SDK1: variants seen among roughly 807,000 people sequenced by gnomAD.
SDK1 encodes the protein sidekick cell adhesion molecule 1, also known as protein sidekick-1.
Under a neutral mutation model 245.5 loss-of-function variants are expected in SDK1, and 157 were observed. That is an observed-to-expected ratio of 0.64 (90% CI 0.56 to 0.73). The LOEUF is 0.73. SDK1 is among the 30% of genes least tolerant of loss of function. The pLI is 0.00. For synonymous variants in SDK1, 1,647 were observed against 1,278.5 expected (o/e 1.29, Z -6.15); for missense variants, 3,583 against 3,002.3 (o/e 1.19, Z -4.52).
chr7:3,904,080 C>T (rs1196481958), intron 5 of SDK1, among the ~76,000 whole-genome samples: 3 of 152,178 alleles, frequency 2.0e-5, no homozygotes, highest in Non-Finnish European at 4.4e-5. Flanking sequence ...TCTTTATAAA[C>T]CACCCAGTCT....
Position 3,375,769 on chromosome 7 carries a change from G to C in SDK1, c.298+73885G>C, listed in dbSNP as rs116777727. ...TCCTCCAGCCCCAGGGAAGCCTTCA[G>C]ATGACGGCAGCTCTGGGAGGCATCT... On this transcript the variant is annotated intron_variant, in intron 1 of 44. Coordinates refer to ENST00000404826, the MANE Select transcript of SDK1 (RefSeq NM_152744.4). 2.8e-3 allele frequency among the ~76,000 whole-genome samples: 420 copies of C among 152,306 alleles called. 3 individuals are homozygous for C. Among genetic ancestry groups the C allele is most frequent in the African/African-American group, 9.6e-3 (399 of 41,564 alleles).
In SDK1 at chr7:4,233,184, A is replaced by G; in HGVS notation, c.5828-71A>G. The G allele has an allele frequency of 3.4e-6, 5 of 1,471,756 alleles. No individual in the cohort carries two copies. In the South Asian group the frequency reaches 6.1e-5, roughly 18 times the overall value. 91.2% of individuals were successfully genotyped at this position (1,471,756 alleles called of 1,614,324 possible). A position where few individuals can be genotyped will look rare whatever the true frequency, so the allele number is the denominator to read the frequency against. On this transcript the variant is annotated intron_variant, in intron 40 of 44. Transcript: ENST00000404826. ...GCTGCTGCAAGCCGACCCACCAGGC[A>G]GGTGCATGGGGCTCGCATCTGGGAC...
At chr7:4,079,706 G>A in intron 22 of SDK1, 122 bp downstream of exon 22, 1 of 1,380,560 alleles carries the variant, frequency 7.2e-7, no homozygotes, top group Non-Finnish European at 1.0e-6. Flanking sequence ...CTTGGAGAGG[G>A]AGAACCAGGG....
At chr7:3,904,380 G>GAATAT (rs1048202743) in intron 5 of SDK1, among the ~76,000 whole-genome samples, 3 of 152,228 alleles carry the variant, frequency 2.0e-5, no homozygotes, top group Admixed American at 6.5e-5. Flanking sequence ...ACAACCTGGT[G>GAATAT]AATATAATAT....
chr7:3,956,421 G>T (rs1781266581), intron 7 of SDK1, among the ~76,000 whole-genome samples: 1 of 152,218 alleles, frequency 6.6e-6, no homozygotes, highest in South Asian at 2.1e-4. Context: ...TACTAGGAAG[G>T]GTTGGCAGGG....
At chr7:3,934,429 A>G (rs1780087408) in intron 5 of SDK1, among the ~76,000 whole-genome samples, 1 of 152,262 alleles carries the variant, frequency 6.6e-6, no homozygotes, top group Non-Finnish European at 1.5e-5. Flanking sequence ...TGCAAAGAAC[A>G]TCTGATTATC....
chr7:3,980,344 T>G (rs998875031), intron 13 of SDK1, among the ~76,000 whole-genome samples: 8 of 152,220 alleles, frequency 5.3e-5, no homozygotes, highest in Non-Finnish European at 1.0e-4. Context: ...GTCCTGTGCC[T>G]GACGGTGGTT....
chr7:3,535,525 G>C (rs1055404217), intron 1 of SDK1, among the ~76,000 whole-genome samples: 1 of 152,134 alleles, frequency 6.6e-6, no homozygotes, highest in African/African-American at 2.4e-5. Context: ...TTCTTTAGTA[G>C]TGTGACCTTA....
At chr7:4,254,281 T>A (rs1367702749) in intron 44 of SDK1, among the ~76,000 whole-genome samples, 1 of 152,176 alleles carries the variant, frequency 6.6e-6, no homozygotes, top group Admixed American at 6.5e-5. Flanking sequence ...GTTAGTGCTG[T>A]CTTATATTTA....
rs115511146 is a variant in SDK1, at chr7:3,710,482, T to G, written c.713+68377T>G. On this transcript the variant is annotated intron_variant, in intron 4 of 44. Coordinates refer to ENST00000404826, the MANE Select transcript of SDK1 (RefSeq NM_152744.4). Reference sequence around the variant, plus strand: ...AAGGACTAATGTCATTAGGGACATTTCTACTTTTGATATAGAAACAAGCTG... The same window carrying G: ...AAGGACTAATGTCATTAGGGACATTGCTACTTTTGATATAGAAACAAGCTG... 1.8e-3 allele frequency among the ~76,000 whole-genome samples: 274 copies of G among 152,348 alleles called. 1 individual carries two copies. Among genetic ancestry groups the G allele is most frequent in the African/African-American group, 6.3e-3 (260 of 41,580 alleles).
intron 4 of SDK1, among the ~76,000 whole-genome samples, chr7:3,652,677 G>T (rs1048711544): frequency 1.3e-5 from 2 of 152,188 alleles, no homozygotes; most frequent in African/African-American, 4.8e-5. Context: ...GACTTATGGG[G>T]ACTTTTGAGA....
intron 1 of SDK1, among the ~76,000 whole-genome samples, chr7:3,596,151 A>G (rs1005730406): frequency 6.6e-6 from 1 of 152,156 alleles, no homozygotes; most frequent in Non-Finnish European, 1.5e-5. Flanking sequence ...TTGGTGCTCA[A>G]AAAGTTCCGC....
chr7:3,558,392 C>G (rs952693193), intron 1 of SDK1, among the ~76,000 whole-genome samples: 3 of 152,186 alleles, frequency 2.0e-5, no homozygotes, highest in African/African-American at 7.2e-5. Context: ...TTGGTGGTTT[C>G]CAGTATCTTC....
At chr7:4,055,693 C>T (rs1403246719) in intron 19 of SDK1, among the ~76,000 whole-genome samples, 1 of 151,844 alleles carries the variant, frequency 6.6e-6, no homozygotes, top group Non-Finnish European at 1.5e-5. Flanking sequence ...TTTGCTCTCC[C>T]TTTTCTGCTT....
chr7:4,007,522 A>G (rs1038908389), intron 14 of SDK1, among the ~76,000 whole-genome samples: 1 of 152,164 alleles, frequency 6.6e-6, no homozygotes, highest in African/African-American at 2.4e-5. Context: ...GGCCAAGCTT[A>G]CAGCTAGATG....
In SDK1 at chr7:3,748,993, A is replaced by G. The variant is rs914639598; in HGVS notation, c.714-72457A>G. On this transcript the variant is annotated intron_variant, in intron 4 of 44. Coordinates refer to ENST00000404826, the MANE Select transcript of SDK1 (RefSeq NM_152744.4). ...ACTAGGAAAAAAAATCAACCAACCA[A>G]CCAACCCAACTCACACTTAGATGGA... is the stretch of plus-strand genomic sequence containing the variant. Among the ~76,000 whole-genome samples the G allele has an allele frequency of 2.6e-5, 4 of 152,140 alleles. No individual in the cohort carries two copies. In the East Asian group the frequency reaches 7.7e-4, roughly 29 times the overall value.
chr7:3,592,383 T>C (rs1475979443), intron 1 of SDK1, among the ~76,000 whole-genome samples: 4 of 152,224 alleles, frequency 2.6e-5, no homozygotes, highest in Admixed American at 6.5e-5. Flanking sequence ...CCCTGCAAAA[T>C]GCAAGGATCT....
chr7:4,259,308 G>A (rs1043049409), intron 44 of SDK1, among the ~76,000 whole-genome samples: 23 of 151,936 alleles, frequency 1.5e-4, no homozygotes, highest in African/African-American at 3.4e-4. Context: ...GTGTGGTGGC[G>A]GGCACCTGTA....
At chr7:3,979,078 G>A (rs1783195173) in intron 13 of SDK1, among the ~76,000 whole-genome samples, 1 of 152,186 alleles carries the variant, frequency 6.6e-6, no homozygotes, top group Non-Finnish European at 1.5e-5. Flanking sequence ...CAGCAGTGGG[G>A]CCAATAGGAG....
Sources: gnomAD v4.1 joint callset for allele counts (sites outside exome capture counted in the v4.1 genomes callset) on GRCh38, gnomAD v4.1.1 for gene constraint, MANE v1.5 for transcripts, NCBI Gene and HGNC (gene_info 2026-07-23, HGNC 2026-07-21) for gene names.